The following SIM1 variants were observed in gnomAD, a reference collection of about 807,000 sequenced individuals.
SIM1 encodes single-minded homolog 1.
In SIM1, 18 loss-of-function variants were observed where a neutral mutation model predicts 78.2. The ratio of observed to expected loss-of-function variants is 0.23; its 90% confidence interval spans 0.16 to 0.34. The LOEUF (loss-of-function observed/expected upper bound fraction) is 0.34, where lower values mean the gene tolerates loss of function less well. Among genes scored for constraint, SIM1 ranks in the 10% least tolerant of loss-of-function variants. SIM1 has a pLI of 1.00. For synonymous variants in SIM1, 417 were observed against 385.2 expected, an observed-to-expected ratio of 1.08 and a Z score of -0.97; for missense variants, 939 against 975.1, an observed-to-expected ratio of 0.96 and a Z score of 0.49.
chr6:100,445,167 T>C (rs935171873), intron 9 of SIM1, among the ~76,000 whole-genome samples: 3 of 152,182 alleles, frequency 2.0e-5, no homozygotes, highest in Admixed American at 6.5e-5. Context: ...TCAAACAAAC[T>C]GCAACCTGTT....
intron 10 of SIM1, among the ~76,000 whole-genome samples, chr6:100,412,683 A>AAAAGAAAGAAAGAAAGAAAGAAAG (rs373803181): frequency 1.3e-5 from 1 of 77,044 alleles, no homozygotes; most frequent in Non-Finnish European, 2.5e-5. Flanking sequence ...GAAAGAAAGA[A>AAAAGAAAGAAAGAAAGAAAGAAAG]AAAGAAAGAA....
chr6:100,398,958 TGTATGTGTAGTA>T (rs1336941081), intron 10 of SIM1, among the ~76,000 whole-genome samples: 4 of 96,988 alleles, frequency 4.1e-5, no homozygotes, highest in African/African-American at 1.1e-4. Context: ...TGTGTGTGTG[TGTATGTGTAGTA>T]GTAGTAGTAG....
chr6:100,428,261 C>T (rs1050804635), intron 9 of SIM1, among the ~76,000 whole-genome samples: 2 of 152,184 alleles, frequency 1.3e-5, no homozygotes, highest in African/African-American at 4.8e-5. Context: ...AAATTAATTT[C>T]ATCCTCAACC....
intron 2 of SIM1, among the ~76,000 whole-genome samples, chr6:100,456,085 G>A (rs1254416651): frequency 6.7e-6 from 1 of 148,716 alleles, no homozygotes; most frequent in Non-Finnish European, 1.5e-5. Flanking sequence ...TTGCCTTCCC[G>A]GAGGTTTGCC....
chr6:100,453,707 G>T, intron 3 of SIM1, 55 bp downstream of exon 3: 1 of 1,297,552 alleles, frequency 7.7e-7, no homozygotes, highest in Non-Finnish European at 1.1e-6. Flanking sequence ...TCAACTCAGG[G>T]CCAGGCACTC....
chr6:100,446,130 T>C (rs1772346969), intron 9 of SIM1, among the ~76,000 whole-genome samples: 1 of 152,228 alleles, frequency 6.6e-6, no homozygotes, highest in African/African-American at 2.4e-5. Flanking sequence ...CTAAGTCTAT[T>C]GAATTAAATT....
intron 9 of SIM1, among the ~76,000 whole-genome samples, chr6:100,421,278 T>C (rs1182593220): frequency 6.6e-6 from 1 of 152,208 alleles, no homozygotes; most frequent in East Asian, 1.9e-4. Context: ...GGTGGTTATC[T>C]GATACTACCA....
At chr6:100,417,913 G>T (rs914016615) in intron 10 of SIM1, among the ~76,000 whole-genome samples, 4 of 152,138 alleles carry the variant, frequency 2.6e-5, no homozygotes, top group African/African-American at 9.7e-5. Context: ...TTACGACTGT[G>T]CAATTTCAAA....
intron 2 of SIM1, among the ~76,000 whole-genome samples, chr6:100,455,970 A>C (rs1772642227): frequency 6.6e-6 from 1 of 152,166 alleles, no homozygotes; most frequent in African/African-American, 2.4e-5. Context: ...CTACGAGGGA[A>C]AATGAGACTT....
At chr6:100,398,460 C>G (rs1770822554) in intron 10 of SIM1, among the ~76,000 whole-genome samples, 1 of 152,104 alleles carries the variant, frequency 6.6e-6, no homozygotes, top group African/African-American at 2.4e-5. Context: ...TCCTTAACAA[C>G]CACCATTCTA....
intron 3 of SIM1, among the ~76,000 whole-genome samples, chr6:100,453,148 A>T (rs1263901488): frequency 6.6e-6 from 1 of 152,240 alleles, no homozygotes; most frequent in African/African-American, 2.4e-5. Context: ...ACTACAAACC[A>T]CAAGGTAATG....
At chr6:100,425,084 T>C (rs886115980) in intron 9 of SIM1, among the ~76,000 whole-genome samples, 11 of 152,164 alleles carry the variant, frequency 7.2e-5, no homozygotes, top group Non-Finnish European at 1.6e-4. Flanking sequence ...TTTCTCATAC[T>C]ATTCTTGTGA....
chr6:100,412,743 GA>G (rs1269758262), intron 10 of SIM1, among the ~76,000 whole-genome samples: 1 of 129,948 alleles, frequency 7.7e-6, no homozygotes, highest in East Asian at 2.4e-4. Flanking sequence ...AAGAAAGAAA[GA>G]AAGAAAGAAA....
At chr6:100,400,327 C>T (rs993624521) in intron 10 of SIM1, among the ~76,000 whole-genome samples, 2 of 151,648 alleles carry the variant, frequency 1.3e-5, no homozygotes, top group African/African-American at 2.4e-5. Flanking sequence ...TGTAGATGCC[C>T]AATCATCAAA....
At chr6:100,436,608 G>T (rs1009708589) in intron 9 of SIM1, among the ~76,000 whole-genome samples, 1 of 152,210 alleles carries the variant, frequency 6.6e-6, no homozygotes, top group Non-Finnish European at 1.5e-5. Flanking sequence ...TGGGCACAGG[G>T]CCACCAACCT....
At chr6:100,443,941 A>G (rs1772284199) in intron 9 of SIM1, among the ~76,000 whole-genome samples, 1 of 152,082 alleles carries the variant, frequency 6.6e-6, no homozygotes, top group Admixed American at 6.6e-5. Flanking sequence ...ATATTTGCAA[A>G]GTTTATGTTT....
Position 100,390,645 on chromosome 6 carries a change from G to T in SIM1, c.2017C>A (p.Leu673Ile). Reference sequence around the variant, plus strand: ...TCCGAATGCAGATAGTCTTTAGCTAGGATCAAACTGGATTTTGAAATGCGA... The same window carrying T: ...TCCGAATGCAGATAGTCTTTAGCTATGATCAAACTGGATTTTGAAATGCGA... ...SDRISKSSLI[L>I]AKDYLHSDIS... Residue 673 changes from leucine (L) to isoleucine (I), a missense_variant, in exon 12 of 12, where the codon CTA (leucine) becomes ATA (isoleucine). By Grantham distance (5) the Leu-to-Ile change is conservative (BLOSUM62 2). Coordinates refer to ENST00000369208, the MANE Select transcript of SIM1 (RefSeq NM_005068.3). The T allele has an allele frequency of 6.2e-7, 1 of 1,614,180 alleles. No individual in the cohort carries two copies. The highest frequency in any genetic ancestry group is 8.5e-7 in the Non-Finnish European group (1 of 1,180,034).
At chr6:100,439,458 T>C (rs868016822) in intron 9 of SIM1, among the ~76,000 whole-genome samples, 1 of 152,196 alleles carries the variant, frequency 6.6e-6, no homozygotes, top group Non-Finnish European at 1.5e-5. Flanking sequence ...TCTGAACTTC[T>C]CAAAGATTTC....
chr6:100,414,325 C>G (rs991454048), intron 10 of SIM1, among the ~76,000 whole-genome samples: 4 of 152,192 alleles, frequency 2.6e-5, no homozygotes, highest in African/African-American at 7.2e-5. Flanking sequence ...CAACTAGACC[C>G]TAGTCGCTTA....
Sources: gnomAD v4.1 joint callset for allele counts (sites outside exome capture counted in the v4.1 genomes callset) on GRCh38, gnomAD v4.1.1 for gene constraint, MANE v1.5 for transcripts, NCBI Gene and HGNC (gene_info 2026-07-23, HGNC 2026-07-21) for gene names.